MACROD2: variants seen among roughly 807,000 people sequenced by gnomAD.
MACROD2 encodes mono-ADP ribosylhydrolase 2, also known as ADP-ribose glycohydrolase MACROD2.
A neutral mutation model predicts 70.4 loss-of-function variants in MACROD2; 36 were observed. The observed-to-expected ratio is 0.51, with a 90% CI of 0.39 to 0.68. The LOEUF (loss-of-function observed/expected upper bound fraction) is 0.68, where lower values mean the gene tolerates loss of function less well. Among genes scored for constraint, MACROD2 ranks in the 30% least tolerant of loss-of-function variants. The pLI is 0.00. For synonymous variants in MACROD2, 172 were observed against 178.8 expected, an observed-to-expected ratio of 0.96 and a Z score of 0.30; for missense variants, 496 against 538.4, an observed-to-expected ratio of 0.92 and a Z score of 0.78.
intron 3 of MACROD2, among the ~76,000 whole-genome samples, chr20:14,131,305 A>T (rs997049938): frequency 1.3e-5 from 2 of 151,800 alleles, no homozygotes; most frequent in South Asian, 2.1e-4. Context: ...TACAAATGAA[A>T]TTTTTTTTTA....
At chr20:14,614,315 A>C (rs1372422504) in intron 4 of MACROD2, among the ~76,000 whole-genome samples, 1 of 152,168 alleles carries the variant, frequency 6.6e-6, no homozygotes. Context: ...TACTTAGAAC[A>C]CATAGCTCTT....
intron 4 of MACROD2, among the ~76,000 whole-genome samples, chr20:14,603,215 A>C (rs1982602363): frequency 6.6e-6 from 1 of 152,154 alleles, no homozygotes; most frequent in African/African-American, 2.4e-5. Context: ...TTTACATCTT[A>C]ATAGCTTGTT....
intron 8 of MACROD2, among the ~76,000 whole-genome samples, chr20:15,575,919 A>G (rs1021042273): frequency 6.6e-6 from 1 of 152,188 alleles, no homozygotes; most frequent in Non-Finnish European, 1.5e-5. Context: ...TGTTTACTTT[A>G]TATATTTTAA....
chr20:15,677,838 G>C (rs998393919), intron 8 of MACROD2, among the ~76,000 whole-genome samples: 1 of 152,162 alleles, frequency 6.6e-6, no homozygotes, highest in African/African-American at 2.4e-5. Context: ...GGAGGCCGAG[G>C]CAGGTGGATC....
chr20:14,940,012 AGGTTTT>A (rs1253485953), intron 5 of MACROD2, among the ~76,000 whole-genome samples: 1 of 151,918 alleles, frequency 6.6e-6, no homozygotes, highest in Non-Finnish European at 1.5e-5. Flanking sequence ...TAGAATCTTA[AGGTTTT>A]CCTAAGTACA....
chr20:14,148,911 T>C (rs1439126323), intron 3 of MACROD2, among the ~76,000 whole-genome samples: 3 of 151,916 alleles, frequency 2.0e-5, no homozygotes, highest in African/African-American at 7.3e-5. Flanking sequence ...TCTCTCCCCT[T>C]CCCCCAATTG....
At chr20:14,761,432 G>A (rs2072014276) in intron 5 of MACROD2, among the ~76,000 whole-genome samples, 1 of 152,090 alleles carries the variant, frequency 6.6e-6, no homozygotes, top group African/African-American at 2.4e-5. Flanking sequence ...TTGATTGCCA[G>A]CATCATACCC....
At chr20:15,858,753 T>A (rs2064386620) in intron 8 of MACROD2, among the ~76,000 whole-genome samples, 1 of 152,204 alleles carries the variant, frequency 6.6e-6, no homozygotes, top group Non-Finnish European at 1.5e-5. Context: ...TGCTTCCTCA[T>A]GGCATGGTGG....
chr20:14,579,090 A>G (rs1289699348), intron 4 of MACROD2, among the ~76,000 whole-genome samples: 3 of 126,684 alleles, frequency 2.4e-5, no homozygotes, highest in Admixed American at 7.7e-5. Context: ...AACATAACAC[A>G]TTCATTTTTT....
At chr20:14,042,352 G>A (rs973020713) in intron 2 of MACROD2, among the ~76,000 whole-genome samples, 3 of 151,950 alleles carry the variant, frequency 2.0e-5, no homozygotes, top group African/African-American at 7.3e-5. Context: ...ACCCTGCAGT[G>A]GAAAAAACAC....
chr20:14,733,457 A>T (rs1463248993), intron 5 of MACROD2, among the ~76,000 whole-genome samples: 1 of 152,186 alleles, frequency 6.6e-6, no homozygotes, highest in African/African-American at 2.4e-5. Context: ...ATTGTATGAT[A>T]AAAATATTTT....
intron 3 of MACROD2, among the ~76,000 whole-genome samples, chr20:14,362,487 G>A (rs2083231287): frequency 2.0e-5 from 3 of 152,184 alleles, no homozygotes; most frequent in South Asian, 4.1e-4. Flanking sequence ...AGAACCCTCC[G>A]CCCTCATTCC....
intron 5 of MACROD2, among the ~76,000 whole-genome samples, chr20:14,700,883 G>T (rs555152622): frequency 6.6e-6 from 1 of 152,168 alleles, no homozygotes; most frequent in South Asian, 2.1e-4. Context: ...GGAGAGATTT[G>T]GCTTATTGTT....
intron 4 of MACROD2, among the ~76,000 whole-genome samples, chr20:14,636,893 G>A (rs573490102): frequency 9.9e-5 from 15 of 152,180 alleles, no homozygotes; most frequent in Admixed American, 7.9e-4. Flanking sequence ...TGATACTGAC[G>A]GAGTCTGTTT....
chr20:14,781,061 A>G (rs1272367211), intron 5 of MACROD2, among the ~76,000 whole-genome samples: 1 of 152,106 alleles, frequency 6.6e-6, no homozygotes, highest in Non-Finnish European at 1.5e-5. Flanking sequence ...AACATTAAAC[A>G]TCGTCTCTGT....
At position 15,830,159 on chromosome 20, in the gene MACROD2, G is replaced by A. The variant is rs537320816; in HGVS notation, c.646-32586G>A. Reference sequence around the variant, plus strand: ...CCCATTGCCACAGTGGACAACATAGGTGGAGATCATGTCAACGCTAAGTGT... The same window carrying A: ...CCCATTGCCACAGTGGACAACATAGATGGAGATCATGTCAACGCTAAGTGT... On this transcript the variant is annotated intron_variant, in intron 8 of 17. Coordinates refer to ENST00000684519, the MANE Select transcript of MACROD2 (RefSeq NM_001351661.2). Among the ~76,000 whole-genome samples the A allele has an allele frequency of 5.3e-5, 8 of 152,278 alleles. No individual in the cohort carries two copies. The South Asian group carries it at 1.7e-3, about 32-fold the overall frequency.
chr20:15,547,980 A>G (rs758816628), intron 8 of MACROD2, among the ~76,000 whole-genome samples: 2 of 152,216 alleles, frequency 1.3e-5, no homozygotes, highest in African/African-American at 2.4e-5. Context: ...AACTCTGGTC[A>G]TAGTTGGGAA....
intron 4 of MACROD2, among the ~76,000 whole-genome samples, chr20:14,596,344 C>T (rs1260560116): frequency 1.3e-5 from 2 of 150,838 alleles, no homozygotes; most frequent in Non-Finnish European, 3.0e-5. Context: ...CCCGCCTCGG[C>T]CTCCCAAAGT....
intron 5 of MACROD2, among the ~76,000 whole-genome samples, chr20:15,019,129 T>A (rs1308283202): frequency 6.6e-6 from 1 of 152,126 alleles, no homozygotes; most frequent in Non-Finnish European, 1.5e-5. Context: ...GGACTTTTAT[T>A]CCAGTTTTCC....
Sources: gnomAD v4.1 joint callset for allele counts (sites outside exome capture counted in the v4.1 genomes callset) on GRCh38, gnomAD v4.1.1 for gene constraint, MANE v1.5 for transcripts, NCBI Gene and HGNC (gene_info 2026-07-23, HGNC 2026-07-21) for gene names.